MED12L: variants seen among roughly 807,000 people sequenced by gnomAD.
The protein encoded by MED12L is mediator complex subunit 12L, also known as mediator of RNA polymerase II transcription subunit 12-like protein.
A neutral mutation model predicts 281.3 loss-of-function variants in MED12L; 60 were observed. The ratio of observed to expected loss-of-function variants is 0.21; its 90% CI spans 0.17 to 0.26. The LOEUF (loss-of-function observed/expected upper bound fraction) is 0.26, where lower values mean the gene tolerates loss of function less well. MED12L is among the 10% of genes least tolerant of loss of function. The pLI, the probability that MED12L is intolerant of heterozygous loss-of-function variation, is 1.00. For missense variants in MED12L, 2,146 were observed against 2,680.9 expected (o/e 0.80, Z 4.41); for synonymous variants, 974 against 987.2 (o/e 0.99, Z 0.25).
intron 3 of MED12L, among the ~76,000 whole-genome samples, chr3:151,122,255 C>G (rs1004015754): frequency 6.6e-6 from 1 of 152,252 alleles, no homozygotes; most frequent in Non-Finnish European, 1.5e-5. Context: ...TTTAATTGAA[C>G]CTTTTGTAAT....
In MED12L at chr3:151,365,936, TTTG is replaced by T; in HGVS notation, c.3278_3280del (p.Cys1093del). The T allele has an allele frequency of 1.2e-6, 2 of 1,613,512 alleles. No homozygotes were observed. The highest frequency in any genetic ancestry group is 1.7e-6 in the Non-Finnish European group (2 of 1,179,562). ...GAATGGCTGGGGGTTCTGAAGGCTC[TTTG>T]TTGTTCTTCAAATCACGTGTGGGGG... On this transcript the variant is annotated inframe_deletion, in exon 23 of 45. Coordinates refer to ENST00000687756, the MANE Select transcript of MED12L (RefSeq NM_001393769.1).
At chr3:151,372,443 T>G (rs978846138) in intron 26 of MED12L, 124 bp from the exon 27 acceptor site, 1 of 679,224 alleles carries the variant, frequency 1.5e-6, no homozygotes, top group Non-Finnish European at 2.5e-6. Flanking sequence ...CCTGAACAAC[T>G]GGCTATTCAA....
chr3:151,105,567 C>G (rs991711377), intron 2 of MED12L, among the ~76,000 whole-genome samples: 2 of 152,170 alleles, frequency 1.3e-5, no homozygotes, highest in Non-Finnish European at 2.9e-5. Flanking sequence ...GTTTCCTTCT[C>G]TCCCCTCTGG....
intron 16 of MED12L, among the ~76,000 whole-genome samples, chr3:151,208,303 T>A (rs973822596): frequency 7.9e-5 from 12 of 152,198 alleles, no homozygotes; most frequent in African/African-American, 2.9e-4. Flanking sequence ...AGAGCTAGTA[T>A]TCCTTTAGAA....
At chr3:151,186,643 A>G (rs1288779326) in intron 12 of MED12L, among the ~76,000 whole-genome samples, 5 of 152,118 alleles carry the variant, frequency 3.3e-5, no homozygotes, top group Admixed American at 6.5e-5. Flanking sequence ...CAAGAAGTGT[A>G]CCTTCCTTTC....
At chr3:151,388,647 A>G (rs1400502349) in intron 37 of MED12L, among the ~76,000 whole-genome samples, 1 of 152,198 alleles carries the variant, frequency 6.6e-6, no homozygotes, top group Non-Finnish European at 1.5e-5. Context: ...TTTATGTTTT[A>G]CTATTCCATC....
intron 16 of MED12L, among the ~76,000 whole-genome samples, chr3:151,217,460 A>T (rs1478322707): frequency 1.3e-5 from 2 of 152,192 alleles, no homozygotes; most frequent in Non-Finnish European, 2.9e-5. Context: ...GTTGGATGGA[A>T]GGGACTGACT....
chr3:151,271,440 G>A (rs537303456), intron 16 of MED12L, among the ~76,000 whole-genome samples: 22 of 152,184 alleles, frequency 1.4e-4, no homozygotes, highest in Admixed American at 6.5e-5. Flanking sequence ...TTTGAATAAC[G>A]GGTCACTTCT....
At chr3:151,289,637 A>T (rs12488267) in intron 16 of MED12L, among the ~76,000 whole-genome samples, 48,607 of 152,058 alleles carry the variant, frequency 0.32, 8,027 homozygotes, top group East Asian at 0.5. Flanking sequence ...TTTATGCTAA[A>T]CTTGTTAGCC....
rs773407122 is a variant in MED12L at position 151,122,785 on chromosome 3, T to A, written c.207T>A (p.Ile69=). 1.3e-6 allele frequency: 2 copies of A among 1,597,788 alleles called. No individual in the cohort carries two copies. Among genetic ancestry groups the A allele is most frequent in the African/African-American group, 2.7e-5 (2 of 74,298 alleles). ...ARNIVINPSK[I]GAYFSSILAE... is the part of the protein sequence containing the mutation. ...CTTTTTTTCTCTTCTTTCCACAGAT[T>A]GGAGCTTATTTTAGCAGCATATTAG... The change falls in exon 4 of 45, where the codon ATT becomes ATA. Residue 69 remains isoleucine (I), a splice_region_variant and synonymous_variant. Coordinates refer to ENST00000687756, the MANE Select transcript of MED12L (RefSeq NM_001393769.1).
chr3:151,167,333 A>T (rs1720849488), intron 11 of MED12L, among the ~76,000 whole-genome samples: 1 of 152,238 alleles, frequency 6.6e-6, no homozygotes, highest in Admixed American at 6.5e-5. Context: ...GATAATATCC[A>T]GCCTGTGCTA....
intron 17 of MED12L, 58 bp from the exon 18 acceptor site, chr3:151,355,063 A>C (rs1344654331): frequency 7.8e-7 from 1 of 1,287,264 alleles, no homozygotes; most frequent in East Asian, 2.3e-5. Flanking sequence ...GTATCCATTA[A>C]AAATGTCGAG....
In MED12L at chr3:151,304,308, G is replaced by C. The variant is rs373490281; in HGVS notation, c.2251-45751G>C. ...AAAAATGTTCTGGCCAGGCACGGTG[G>C]CTCATGCCTGTAATCCCAGCACTGG... On this transcript the variant is annotated intron_variant, in intron 16 of 44. Coordinates refer to ENST00000687756, the MANE Select transcript of MED12L (RefSeq NM_001393769.1). Among the ~76,000 whole-genome samples, 42 of 152,344 alleles carry C rather than the reference G, an allele frequency of 2.8e-4. No homozygotes were observed. The East Asian group carries it at 7.1e-3, about 26-fold the overall frequency.
chr3:151,116,064 CAAA>C (rs59017489), intron 2 of MED12L, among the ~76,000 whole-genome samples: 1,541 of 92,272 alleles, frequency 0.017, 28 homozygotes, highest in African/African-American at 0.052. Context: ...ACTCCATCTC[CAAA>C]AAAAAAAAAA....
intron 16 of MED12L, among the ~76,000 whole-genome samples, chr3:151,273,757 A>G (rs1314118066): frequency 6.6e-6 from 1 of 152,214 alleles, no homozygotes; most frequent in Non-Finnish European, 1.5e-5. Flanking sequence ...CATTGTACAC[A>G]TAGGGACTGG....
At chr3:151,193,419 G>T in intron 15 of MED12L, 71 bp from the exon 16 acceptor site, 1 of 1,177,460 alleles carries the variant, frequency 8.5e-7, no homozygotes. Context: ...GTGTGTTTTG[G>T]TATGTAGCAC....
At chr3:151,097,518 C>G (rs1720873148) in intron 2 of MED12L, among the ~76,000 whole-genome samples, 1 of 152,146 alleles carries the variant, frequency 6.6e-6, no homozygotes, top group Non-Finnish European at 1.5e-5. Flanking sequence ...ACCGAGGACT[C>G]AAAACTTTCT....
At chr3:151,157,255 A>G (rs1163890226) in intron 6 of MED12L, among the ~76,000 whole-genome samples, 1 of 151,990 alleles carries the variant, frequency 6.6e-6, no homozygotes, top group Non-Finnish European at 1.5e-5. Context: ...TTTTTAAGAA[A>G]GCAGTTAGGT....
At chr3:151,317,737 A>G (rs966724181) in intron 16 of MED12L, among the ~76,000 whole-genome samples, 5 of 152,128 alleles carry the variant, frequency 3.3e-5, no homozygotes, top group Admixed American at 2.6e-4. Flanking sequence ...TGTGTGAGCC[A>G]CTGCGCCCGG....
Sources: gnomAD v4.1 joint callset for allele counts (sites outside exome capture counted in the v4.1 genomes callset) on GRCh38, gnomAD v4.1.1 for gene constraint, MANE v1.5 for transcripts, NCBI Gene and HGNC (gene_info 2026-07-23, HGNC 2026-07-21) for gene names.